Variants in CRTC1 observed in about 807,000 individuals in gnomAD.
The protein encoded by CRTC1 is CREB regulated transcription coactivator 1, also known as CREB-regulated transcription coactivator 1.
Under a neutral mutation model 66.1 loss-of-function variants are expected in CRTC1, and 18 were observed. The observed-to-expected ratio is 0.27, with a 90% confidence interval of 0.19 to 0.40. CRTC1 has a LOEUF of 0.40. Among genes scored for constraint, CRTC1 ranks in the 10% least tolerant of loss-of-function variants. CRTC1 has a pLI of 1.00. For missense variants in CRTC1, 669 were observed against 887.9 expected (o/e 0.75, Z 3.13); for synonymous variants, 416 against 398.8 (o/e 1.04, Z -0.51).
At chr19:18,769,551 C>T (rs1265594939) in intron 10 of CRTC1, among the ~76,000 whole-genome samples, 1 of 152,190 alleles carries the variant, frequency 6.6e-6, no homozygotes, top group Non-Finnish European at 1.5e-5. Flanking sequence ...GGCAGGTGAG[C>T]CTGTGGGTAG....
intron 1 of CRTC1, among the ~76,000 whole-genome samples, chr19:18,708,667 C>A (rs982589979): frequency 1.3e-5 from 2 of 152,168 alleles, no homozygotes; most frequent in Non-Finnish European, 2.9e-5. Context: ...GAGGCCAAGT[C>A]CTCGGGGAGC....
At position 18,781,222 on chromosome 19, in the gene CRTC1, G is replaced by A. The variant is rs527397177; in HGVS notation, c.*3840G>A. The A allele has an allele frequency of 1.8e-3, 408 of 227,016 alleles. No individual in the cohort carries two copies. Among genetic ancestry groups the A allele is most frequent in the Middle Eastern group, 3.9e-3 (3 of 762 alleles). The allele number at this position is 227,016 out of a possible 1,614,324, so 14.1% of individuals were successfully genotyped here. A position where few individuals can be genotyped will look rare whatever the true frequency, so the allele number is the denominator to read the frequency against. ...CCCACATGTGGTGCCCTGGGCCAGGGCGTGCGGGCGCCAGAGCCTTCCCTA... is the reference window on the plus strand; with the variant it reads ...CCCACATGTGGTGCCCTGGGCCAGGACGTGCGGGCGCCAGAGCCTTCCCTA... On this transcript the variant is annotated 3_prime_UTR_variant, in exon 14 of 14. Coordinates refer to ENST00000321949, the MANE Select transcript of CRTC1 (RefSeq NM_015321.3).
chr19:18,764,730 T>C (rs996367970), intron 8 of CRTC1, among the ~76,000 whole-genome samples: 5 of 152,118 alleles, frequency 3.3e-5, no homozygotes, highest in Admixed American at 2.6e-4. Flanking sequence ...GCTTGGGGAA[T>C]GCACCAGGTC....
Position 18,780,229 on chromosome 19 carries a change from C to T in CRTC1, c.*2847C>T. 8.6e-6 allele frequency: 2 copies of T among 231,828 alleles called. No homozygotes were observed. The allele number at this position is 231,828 out of a possible 1,614,324, so 14.4% of individuals were successfully genotyped here. A position where few individuals can be genotyped will look rare whatever the true frequency, so the allele number is the denominator to read the frequency against. On this transcript the variant is annotated 3_prime_UTR_variant, in exon 14 of 14. Coordinates refer to ENST00000321949, the MANE Select transcript of CRTC1 (RefSeq NM_015321.3). ...ACACTGGGTTAGAGGCTGCTCTCCC[C>T]ACGCACCCATGTGCTCATGGCTTCT...
At chr19:18,705,424 G>C (rs1019729175) in intron 1 of CRTC1, among the ~76,000 whole-genome samples, 2 of 152,088 alleles carry the variant, frequency 1.3e-5, no homozygotes, top group Non-Finnish European at 2.9e-5. Context: ...GGGTTCAAGC[G>C]GTTCTGCCTC....
intron 1 of CRTC1, among the ~76,000 whole-genome samples, chr19:18,714,393 C>T (rs979583184): frequency 2.0e-5 from 3 of 152,080 alleles, no homozygotes; most frequent in African/African-American, 7.2e-5. Flanking sequence ...CTGCAACCTC[C>T]GCCTCCTGGG....
intron 1 of CRTC1, among the ~76,000 whole-genome samples, chr19:18,719,372 AG>A (rs1189713972): frequency 2.0e-5 from 3 of 152,174 alleles, no homozygotes; most frequent in Non-Finnish European, 2.9e-5. Flanking sequence ...GGGCCTGGCT[AG>A]GAGTTCAGGG....
chr19:18,764,468 C>T (rs2054684830), intron 8 of CRTC1, among the ~76,000 whole-genome samples: 1 of 152,248 alleles, frequency 6.6e-6, no homozygotes, highest in African/African-American at 2.4e-5. Flanking sequence ...GCATGGTGCC[C>T]ACAATAACCC....
intron 8 of CRTC1, among the ~76,000 whole-genome samples, chr19:18,761,465 A>G (rs2054612990): frequency 6.6e-6 from 1 of 152,074 alleles, no homozygotes; most frequent in East Asian, 1.9e-4. Context: ...GAGCTGGAGA[A>G]TGAACCGGCC....
At chr19:18,737,739 GCTCCTC>G (rs760680059) in intron 1 of CRTC1, among the ~76,000 whole-genome samples, 130 of 149,842 alleles carry the variant, frequency 8.7e-4, no homozygotes, top group Admixed American at 1.1e-3. Context: ...TCCTGCTGCT[GCTCCTC>G]CTCCTCCTCC....
chr19:18,707,408 CAT>C (rs2053291145), intron 1 of CRTC1, among the ~76,000 whole-genome samples: 1 of 152,124 alleles, frequency 6.6e-6, no homozygotes, highest in Non-Finnish European at 1.5e-5. Flanking sequence ...ATCACTTGAC[CAT>C]ATATGTGAGG....
chr19:18,775,796 T>G lies in CRTC1; in HGVS notation c.1668T>G (p.Ser556Arg). The G allele has an allele frequency of 6.2e-7, 1 of 1,607,496 alleles. No individual in the cohort carries two copies. The highest frequency in any genetic ancestry group is 8.5e-7 in the Non-Finnish European group (1 of 1,177,214). ...AGCAACTGGGATACGCCAGCCACAG[T>G]GGCATCCCCAACATCATCCTCACAG... ...DSQQLGYASHSGIPNIILTVT... is the reference protein window; with the variant it reads ...DSQQLGYASHRGIPNIILTVT... Residue 556 changes from serine to arginine, a missense_variant, in exon 13 of 14, where the codon AGT (serine) becomes AGG (arginine). Transcript: ENST00000321949.
At chr19:18,690,003 G>A (rs895122085) in intron 1 of CRTC1, among the ~76,000 whole-genome samples, 1 of 151,594 alleles carries the variant, frequency 6.6e-6, no homozygotes, top group Non-Finnish European at 1.5e-5. Flanking sequence ...GATAGCTGGA[G>A]CAAGGGGGTG....
chr19:18,727,362 A>T (rs2145657959), intron 1 of CRTC1, among the ~76,000 whole-genome samples: 1 of 152,080 alleles, frequency 6.6e-6, no homozygotes, highest in East Asian at 1.9e-4. Context: ...CAGGCAGGTC[A>T]CGAGGTCAGG....
chr19:18,759,060 C>T (rs749977925), intron 6 of CRTC1, among the ~76,000 whole-genome samples: 11 of 152,278 alleles, frequency 7.2e-5, no homozygotes, highest in Admixed American at 2.0e-4. Flanking sequence ...AGCAGCCGGG[C>T]GCAGTGCAGT....
intron 1 of CRTC1, among the ~76,000 whole-genome samples, chr19:18,738,010 G>A (rs2054036318): frequency 6.6e-6 from 1 of 152,150 alleles, no homozygotes; most frequent in Admixed American, 6.6e-5. Flanking sequence ...TATTAGTTAA[G>A]TGTTGGAGGA....
At chr19:18,737,684 T>C (rs2054027494) in intron 1 of CRTC1, among the ~76,000 whole-genome samples, 1 of 151,836 alleles carries the variant, frequency 6.6e-6, no homozygotes. Flanking sequence ...GTGGATTCTC[T>C]CCCGCCTCTG....
At position 18,777,090 on chromosome 19, in the gene CRTC1, G is replaced by C; in HGVS notation, c.1694-81G>C. The C allele has an allele frequency of 1.3e-6, 1 of 793,332 alleles. No individual in the cohort carries two copies. Among genetic ancestry groups the C allele is most frequent in the East Asian group, 2.5e-5 (1 of 40,432 alleles). 49.1% of individuals were successfully genotyped at this position (793,332 alleles called of 1,614,324 possible). A position where few individuals can be genotyped will look rare whatever the true frequency, so the allele number is the denominator to read the frequency against. On this transcript the variant is annotated intron_variant, in intron 13 of 13. Coordinates refer to ENST00000321949, the MANE Select transcript of CRTC1 (RefSeq NM_015321.3). This position sits in a 1 kb window ranked among gnomAD's most constrained non-coding sequence, Gnocchi z 5.5. ...TACCCAGGGGACAGAGTCGCCCGGC[G>C]GGCATGCCTGGTCCGACACATGGAT...
In CRTC1 at chr19:18,765,515, C is replaced by T; in HGVS notation, c.998C>T (p.Ser333Leu). 6.2e-7 allele frequency: 1 copy of T among 1,606,200 alleles called. No homozygotes were observed. The highest frequency in any genetic ancestry group is 2.2e-5 in the East Asian group (1 of 44,834). Residue 333 changes from serine (S) to leucine (L), a missense_variant, in exon 9 of 14, where the codon TCA becomes TTA. By Grantham distance (145) the Ser-to-Leu change is moderately radical (BLOSUM62 -2). Around this residue, in one of 8 missense-constraint regions of CRTC1, gnomAD observed 241 missense variants for 242.2 expected, o/e 0.99. Coordinates refer to ENST00000321949, the MANE Select transcript of CRTC1 (RefSeq NM_015321.3). ...GCATCGCCCACCCTGTCCCCGCTGT[C>T]ACCCATCACTCAGGTGCGAGGGCAA... ...QQASPTLSPL[S>L]PITQAVAMDA...
Sources: allele counts gnomAD v4.1 joint callset (sites outside exome capture counted in the v4.1 genomes callset), GRCh38; gene constraint gnomAD v4.1.1; regional missense constraint gnomAD v4.1.1; non-coding constraint Gnocchi (gnomAD v3.1); transcripts MANE v1.5; gene names NCBI Gene and HGNC (gene_info 2026-07-23, HGNC 2026-07-21).